The following PAPPA variants were observed in gnomAD, a reference collection of about 807,000 sequenced individuals.
PAPPA encodes pappalysin 1.
A neutral mutation model predicts 164.0 loss-of-function variants in PAPPA; 60 were observed. The ratio of observed to expected loss-of-function variants is 0.37; its 90% CI spans 0.30 to 0.45. The LOEUF (loss-of-function observed/expected upper bound fraction) is 0.45, where lower values mean the gene tolerates loss of function less well. Among genes scored for constraint, PAPPA ranks in the 20% least tolerant of loss-of-function variants. PAPPA has a pLI of 1.00. For missense variants in PAPPA, 1,782 were observed against 2,087.3 expected (o/e 0.85, Z 2.85); for synonymous variants, 875 against 814.1 (o/e 1.07, Z -1.27).
intron 10 of PAPPA, among the ~76,000 whole-genome samples, chr9:116,330,877 T>G (rs1256555566): frequency 6.6e-6 from 1 of 152,060 alleles, no homozygotes; most frequent in Non-Finnish European, 1.5e-5. Context: ...ACCTAAGCAT[T>G]CTGGGTTTCT....
intron 7 of PAPPA, among the ~76,000 whole-genome samples, chr9:116,236,332 C>T (rs1193397042): frequency 6.6e-6 from 1 of 152,120 alleles, no homozygotes. Flanking sequence ...CTCCTGTAAT[C>T]TCAGCACTTT....
chr9:116,377,845 T>C (rs1346942360), intron 20 of PAPPA, among the ~76,000 whole-genome samples, 198 bp downstream of exon 20: 2 of 152,146 alleles, frequency 1.3e-5, no homozygotes, highest in East Asian at 1.9e-4. Context: ...TAAAGAAACA[T>C]ACTAAAAAGC....
chr9:116,200,913 A>T (rs1364423941), intron 2 of PAPPA, among the ~76,000 whole-genome samples: 6 of 152,198 alleles, frequency 3.9e-5, no homozygotes, highest in Non-Finnish European at 7.3e-5. Context: ...TCAATAACTA[A>T]ATAAAGGAAT....
intron 1 of PAPPA, among the ~76,000 whole-genome samples, chr9:116,181,700 T>C (rs1843907126): frequency 6.6e-6 from 1 of 152,188 alleles, no homozygotes; most frequent in Non-Finnish European, 1.5e-5. Flanking sequence ...AGAGGAAACC[T>C]GAGTCAGAAA....
chr9:116,256,676 T>C (rs892675329), intron 7 of PAPPA, among the ~76,000 whole-genome samples: 1 of 152,000 alleles, frequency 6.6e-6, no homozygotes, highest in South Asian at 2.1e-4. Context: ...ACAACCTGAA[T>C]TTATGAAATA....
rs1843992057 is a variant in PAPPA at position 116,187,743 on chromosome 9, A to G, written c.1005A>G (p.Thr335=). 3 of 1,614,148 alleles carry G rather than the reference A, an allele frequency of 1.9e-6. No individual in the cohort carries two copies. Among genetic ancestry groups the G allele is most frequent in the Non-Finnish European group, 2.5e-6 (3 of 1,180,058 alleles). ...PLCGQTLCDN[T]EVIASYNQLS... is the part of the protein sequence containing the mutation. ...GCGGACAGACATTGTGTGACAACAC[A>G]GAGGTCATTGCCAGCTACAATCAGC... Residue 335 remains threonine (T), a synonymous_variant, in exon 2 of 22, where the codon ACA becomes ACG. Transcript: ENST00000328252. This position sits in a 1 kb window ranked among gnomAD's most constrained non-coding sequence, Gnocchi z 4.2.
intron 2 of PAPPA, among the ~76,000 whole-genome samples, chr9:116,205,069 CTTT>C (rs61708820): frequency 1.4e-5 from 2 of 142,238 alleles, no homozygotes; most frequent in East Asian, 4.0e-4. Context: ...TGTGTTGTTG[CTTT>C]TTTTTTTTTT....
At chr9:116,385,475 G>A (rs932705) in intron 21 of PAPPA, among the ~76,000 whole-genome samples, 116,822 of 151,820 alleles carry the variant, frequency 0.77, 45,176 homozygotes, top group African/African-American at 0.85. Flanking sequence ...TAACTTTACC[G>A]TATACATATA....
chr9:116,396,718 AG>A lies in PAPPA; in HGVS notation c.*105del. The A allele has an allele frequency of 1.5e-6, 1 of 687,486 alleles. No homozygotes were observed. The allele number at this position is 687,486 out of a possible 1,614,324, so 42.6% of individuals were successfully genotyped here. A position where few individuals can be genotyped will look rare whatever the true frequency, so the allele number is the denominator to read the frequency against. Reference sequence around the variant, plus strand: ...CTCAACGGAATGGCCTCTCCACACCAGGGATCCTTAGCACCCAACCGGTCTG... The same window carrying A: ...CTCAACGGAATGGCCTCTCCACACCAGGATCCTTAGCACCCAACCGGTCTG... On this transcript the variant is annotated 3_prime_UTR_variant, in exon 22 of 22. Coordinates refer to ENST00000328252, the MANE Select transcript of PAPPA (RefSeq NM_002581.5).
intron 13 of PAPPA, among the ~76,000 whole-genome samples, chr9:116,337,383 T>C (rs1480722607): frequency 6.6e-6 from 1 of 152,054 alleles, no homozygotes; most frequent in East Asian, 1.9e-4. Context: ...AGCAGGACTC[T>C]GCAAACATGC....
At chr9:116,274,439 A>G (rs944447887) in intron 9 of PAPPA, among the ~76,000 whole-genome samples, 1 of 152,240 alleles carries the variant, frequency 6.6e-6, no homozygotes, top group African/African-American at 2.4e-5. Context: ...ATAGACAGTG[A>G]ATCTTTACTC....
At chr9:116,226,783 T>C (rs1010487938) in intron 5 of PAPPA, among the ~76,000 whole-genome samples, 1 of 152,242 alleles carries the variant, frequency 6.6e-6, no homozygotes, top group African/African-American at 2.4e-5. Context: ...ATTCCACTTC[T>C]GGGACTGGTC....
intron 12 of PAPPA, chr9:116,332,773 G>C (rs1412929250): frequency 1.2e-5 from 3 of 241,710 alleles, no homozygotes; most frequent in Non-Finnish European, 2.4e-5. Context: ...CTGAGTAAGA[G>C]CCATTTCCCC....
intron 19 of PAPPA, among the ~76,000 whole-genome samples, chr9:116,374,151 GGTA>G (rs72208041): frequency 0.59 from 87,565 of 149,174 alleles, 26,612 homozygotes; most frequent in Admixed American, 0.69. Flanking sequence ...AGATGATGGT[GGTA>G]GTGTTGGTGG....
At chr9:116,272,413 G>C (rs1845147674) in intron 9 of PAPPA, among the ~76,000 whole-genome samples, 1 of 152,226 alleles carries the variant, frequency 6.6e-6, no homozygotes, top group Non-Finnish European at 1.5e-5. Flanking sequence ...TAGGACTAAA[G>C]AGGAAAAGAT....
At chr9:116,186,052 T>C (rs2118624393) in intron 1 of PAPPA, among the ~76,000 whole-genome samples, 1 of 152,270 alleles carries the variant, frequency 6.6e-6, no homozygotes, top group East Asian at 1.9e-4. Flanking sequence ...AGAAACGTAA[T>C]GTCACCACCT....
intron 19 of PAPPA, among the ~76,000 whole-genome samples, chr9:116,367,977 T>A (rs1236849360): frequency 6.6e-6 from 1 of 152,194 alleles, no homozygotes; most frequent in Non-Finnish European, 1.5e-5. Context: ...ATACTTTCTC[T>A]CTGTCAGGTC....
intron 17 of PAPPA, among the ~76,000 whole-genome samples, chr9:116,358,949 G>A (rs1355224464): frequency 1.3e-5 from 2 of 152,206 alleles, no homozygotes; most frequent in African/African-American, 2.4e-5. Flanking sequence ...CTCAGTATGT[G>A]TTAGGCTTTA....
chr9:116,222,390 G>A (rs529576501), intron 5 of PAPPA, among the ~76,000 whole-genome samples: 33 of 152,104 alleles, frequency 2.2e-4, no homozygotes, highest in African/African-American at 7.7e-4. Context: ...TGAAAATATC[G>A]TAAGTCAAAA....
Sources: allele counts gnomAD v4.1 joint callset (sites outside exome capture counted in the v4.1 genomes callset), GRCh38; gene constraint gnomAD v4.1.1; non-coding constraint Gnocchi (gnomAD v3.1); transcripts MANE v1.5; gene names NCBI Gene and HGNC (gene_info 2026-07-23, HGNC 2026-07-21).